SMIM35: variants seen among roughly 807,000 people sequenced by gnomAD.
SMIM35 encodes small integral membrane protein 35, also known as TMPRSS4 antisense RNA 1 (non-protein coding).
At chr11:118,057,409 G>A (rs1382719719) in intron 1 of SMIM35, among the ~76,000 whole-genome samples, 1 of 152,156 alleles carries the variant, frequency 6.6e-6, no homozygotes, top group African/African-American at 2.4e-5. Flanking sequence ...GTCCTGATGG[G>A]GACCTTGAAG....
At chr11:118,020,506 C>T (rs1354118639) in intron 1 of SMIM35, among the ~76,000 whole-genome samples, 3 of 152,154 alleles carry the variant, frequency 2.0e-5, no homozygotes, top group Non-Finnish European at 2.9e-5. Flanking sequence ...AGTCTACAAA[C>T]TTACAAGTAT....
intron 4 of SMIM35, among the ~76,000 whole-genome samples, chr11:118,012,578 G>A (rs959434798): frequency 3.9e-5 from 6 of 152,202 alleles, no homozygotes; most frequent in South Asian, 2.1e-4. Context: ...GAGCCTAGGC[G>A]ACAAGAACAT....
intron 1 of SMIM35, among the ~76,000 whole-genome samples, chr11:118,037,573 C>T (rs578225234): frequency 6.6e-6 from 1 of 152,236 alleles, no homozygotes; most frequent in East Asian, 1.9e-4. Context: ...AGCATCTTTC[C>T]CCTAAAGATA....
chr11:118,035,492 A>G (rs1591289204), intron 1 of SMIM35, among the ~76,000 whole-genome samples: 1 of 152,280 alleles, frequency 6.6e-6, no homozygotes, highest in Middle Eastern at 3.4e-3. Context: ...GCACCCTAAT[A>G]ATCGGTTGCT....
intron 1 of SMIM35, chr11:118,025,461 C>T (rs1225244879): frequency 2.2e-6 from 1 of 453,370 alleles, no homozygotes; most frequent in Non-Finnish European, 4.4e-6. Flanking sequence ...CTGTTATTTT[C>T]TGACTTCTTA....
intron 1 of SMIM35, among the ~76,000 whole-genome samples, chr11:118,065,382 T>C (rs550310188): frequency 6.6e-6 from 1 of 152,320 alleles, no homozygotes; most frequent in African/African-American, 2.4e-5. Flanking sequence ...AGAGTGATCA[T>C]GAGGCAGGAG....
intron 1 of SMIM35, among the ~76,000 whole-genome samples, chr11:118,073,725 G>A (rs374889437): frequency 4.5e-4 from 68 of 152,340 alleles, no homozygotes; most frequent in African/African-American, 1.6e-3. Context: ...AAGGCGGGAG[G>A]GCTGTGGCAA....
At chr11:118,043,757 C>T (rs1394931470) in intron 1 of SMIM35, among the ~76,000 whole-genome samples, 1 of 149,182 alleles carries the variant, frequency 6.7e-6, no homozygotes, top group Admixed American at 6.7e-5. Flanking sequence ...GAGCCAAGAT[C>T]GCACCACTGC....
At chr11:118,076,780 C>T (rs1243623355) in intron 1 of SMIM35, among the ~76,000 whole-genome samples, 4 of 152,154 alleles carry the variant, frequency 2.6e-5, no homozygotes, top group Non-Finnish European at 4.4e-5. Context: ...TCCCACAACC[C>T]CAAACCAAAG....
At chr11:118,033,866 A>G (rs1226605696) in intron 1 of SMIM35, among the ~76,000 whole-genome samples, 1 of 152,218 alleles carries the variant, frequency 6.6e-6, no homozygotes, top group Non-Finnish European at 1.5e-5. Context: ...TTTACCAGTT[A>G]CTTACAATGT....
At chr11:118,027,797 T>G (rs117261392) in intron 1 of SMIM35, among the ~76,000 whole-genome samples, 1 of 152,318 alleles carries the variant, frequency 6.6e-6, no homozygotes, top group East Asian at 1.9e-4. Context: ...CAAAGGTGTT[T>G]GAGAGAATGA....
intron 4 of SMIM35, among the ~76,000 whole-genome samples, chr11:118,011,223 G>A (rs188245655): frequency 5.3e-4 from 81 of 152,314 alleles, no homozygotes; most frequent in Admixed American, 1.1e-3. Context: ...AGCTGTCCCC[G>A]TCTCCTCACC....
At chr11:118,057,521 G>A (rs997687826) in intron 1 of SMIM35, among the ~76,000 whole-genome samples, 2 of 152,184 alleles carry the variant, frequency 1.3e-5, no homozygotes, top group Non-Finnish European at 2.9e-5. Flanking sequence ...GGCGCTGGAG[G>A]CAGTGCCGTT....
chr11:118,024,153 G>A (rs747372072), intron 1 of SMIM35, among the ~76,000 whole-genome samples: 21 of 152,234 alleles, frequency 1.4e-4, no homozygotes, highest in Admixed American at 1.3e-4. Flanking sequence ...GATGAGATAT[G>A]GCCAACAATT....
chr11:118,035,881 G>GTGGGTGTTTGTTTGTTTGTTTGTT lies in SMIM35; in HGVS notation c.8-20073_8-20072insAACAAACAAACAAACAAACACCCA, dbSNP rs150849912. On this transcript the variant is annotated intron_variant, in intron 1 of 4. Coordinates refer to ENST00000689828, the MANE Select transcript of SMIM35 (RefSeq NM_001394165.1). ...ACTATCATTAGTATCCTAATATGTG[G>GTGGGTGTTTGTTTGTTTGTTTGTT]TGTTTGTTTGTTTGTTTGTTTGACA... Among the ~76,000 whole-genome samples the GTGGGTGTTTGTTTGTTTGTTTGTT allele has an allele frequency of 7.3e-4, 111 of 152,184 alleles. 1 individual carries two copies. The highest frequency in any genetic ancestry group is 2.3e-3 in the African/African-American group (95 of 41,534).
At chr11:118,022,597 T>C (rs1460101472) in intron 1 of SMIM35, among the ~76,000 whole-genome samples, 1 of 152,110 alleles carries the variant, frequency 6.6e-6, no homozygotes, top group African/African-American at 2.4e-5. Flanking sequence ...AAATGTAAGT[T>C]GAGGAGACAG....
At chr11:118,024,287 CTA>C (rs781156232) in intron 1 of SMIM35, among the ~76,000 whole-genome samples, 89 of 152,288 alleles carry the variant, frequency 5.8e-4, no homozygotes, top group African/African-American at 2.1e-3. Flanking sequence ...AAGGCCTAAA[CTA>C]TCCTTAGGAA....
At chr11:118,055,837 T>G (rs567026069) in intron 1 of SMIM35, among the ~76,000 whole-genome samples, 1 of 152,088 alleles carries the variant, frequency 6.6e-6, no homozygotes, top group African/African-American at 2.4e-5. Context: ...GGAGCTGAGA[T>G]AGCACACAGT....
intron 1 of SMIM35, among the ~76,000 whole-genome samples, chr11:118,040,044 CAAA>C (rs35273108): frequency 8.3e-4 from 85 of 102,176 alleles, no homozygotes; most frequent in East Asian, 2.0e-3. Flanking sequence ...GACCTTATCT[CAAA>C]AAAAAAAAAA....
Sources: allele counts gnomAD v4.1 joint callset (sites outside exome capture counted in the v4.1 genomes callset), GRCh38; gene constraint gnomAD v4.1.1; transcripts MANE v1.5; gene names NCBI Gene and HGNC (gene_info 2026-07-23, HGNC 2026-07-21).